UBE3D: variants seen among roughly 807,000 people sequenced by gnomAD.
UBE3D encodes E3 ubiquitin-protein ligase E3D.
In UBE3D, 48 loss-of-function variants were observed where a neutral mutation model predicts 49.6. The ratio of observed to expected loss-of-function variants is 0.97; its 90% confidence interval spans 0.77 to 1.23. The LOEUF (loss-of-function observed/expected upper bound fraction) is 1.23, where lower values mean the gene tolerates loss of function less well. Ranked by LOEUF, UBE3D falls within the 50% of genes most tolerant of loss-of-function variation. The pLI, the probability that UBE3D is intolerant of heterozygous loss-of-function variation, is 0.00. For missense variants in UBE3D, 452 were observed against 468.4 expected (o/e 0.96, Z 0.32); for synonymous variants, 189 against 174.2 (o/e 1.08, Z -0.67).
chr6:83,065,785 G>C lies in UBE3D; in HGVS notation c.-67C>G. 6.7e-7 allele frequency: 1 copy of C among 1,503,054 alleles called. No individual in the cohort carries two copies. The allele number at this position is 1,503,054 out of a possible 1,614,324, so 93.1% of individuals were successfully genotyped here. A position where few individuals can be genotyped will look rare whatever the true frequency, so the allele number is the denominator to read the frequency against. ...GAGGGGCCCGGGTCAACAGGACCAG[G>C]AGAGGTTCCACGTGCGGACCAACCA... is the stretch of plus-strand genomic sequence containing the variant. On this transcript the variant is annotated 5_prime_UTR_variant, in exon 1 of 10. Transcript: ENST00000369747.
At chr6:82,890,422 C>T (rs1465683261), downstream of UBE3D, among the ~76,000 whole-genome samples, 1 of 152,206 alleles carries the variant, frequency 6.6e-6, no homozygotes, top group Non-Finnish European at 1.5e-5. Flanking sequence ...ACGGGCATAG[C>T]TGTGCTGGCC....
chr6:82,902,724 G>C (rs770603182), intron 9 of UBE3D, among the ~76,000 whole-genome samples: 1 of 152,054 alleles, frequency 6.6e-6, no homozygotes, highest in African/African-American at 2.4e-5. Flanking sequence ...AACATACACA[G>C]GTGATAAAAT....
At chr6:83,044,380 A>G in intron 4 of UBE3D, 48 bp downstream of exon 4, 1 of 1,575,428 alleles carries the variant, frequency 6.3e-7, no homozygotes, top group Non-Finnish European at 8.7e-7. Context: ...AGAAGTCAGT[A>G]TCTAAGACAG....
At chr6:83,016,490 C>T (rs949140989) in intron 8 of UBE3D, among the ~76,000 whole-genome samples, 2 of 152,038 alleles carry the variant, frequency 1.3e-5, no homozygotes, top group Admixed American at 6.6e-5. Context: ...CCAGAAACCT[C>T]AAAACCAACA....
chr6:83,048,072 TC>T, intron 3 of UBE3D, among the ~76,000 whole-genome samples: 1 of 80,610 alleles, frequency 1.2e-5, no homozygotes, highest in Admixed American at 2.3e-4. Flanking sequence ...ACAGGGAGAC[TC>T]CAGCTCAAAA....
chr6:83,025,574 G>A lies in UBE3D; in HGVS notation c.668-1536C>T, dbSNP rs1412689403. 2.6e-5 allele frequency among the ~76,000 whole-genome samples: 4 copies of A among 152,016 alleles called. No individual in the cohort carries two copies. In the East Asian group the frequency reaches 7.7e-4, roughly 29 times the overall value. On this transcript the variant is annotated intron_variant, in intron 5 of 9. Coordinates refer to ENST00000369747, the MANE Select transcript of UBE3D (RefSeq NM_198920.3). Reference sequence around the variant, plus strand: ...TGACAGACTTCCGGAAAGCCACTTGGCAAAGGCCTTAAAATTGTATATGTA... The same window carrying A: ...TGACAGACTTCCGGAAAGCCACTTGACAAAGGCCTTAAAATTGTATATGTA...
At chr6:82,963,701 C>T (rs1776713514) in intron 8 of UBE3D, among the ~76,000 whole-genome samples, 2 of 152,102 alleles carry the variant, frequency 1.3e-5, no homozygotes. Flanking sequence ...GGTGGGTCTG[C>T]CTTTCCCAGC....
chr6:82,985,723 A>T (rs1778438226), intron 8 of UBE3D, among the ~76,000 whole-genome samples: 1 of 152,156 alleles, frequency 6.6e-6, no homozygotes, highest in Non-Finnish European at 1.5e-5. Context: ...ACATGTAAAG[A>T]TTAAATTTTA....
intron 8 of UBE3D, among the ~76,000 whole-genome samples, chr6:83,013,812 T>C (rs2127762624): frequency 6.6e-6 from 1 of 152,346 alleles, no homozygotes; most frequent in Non-Finnish European, 1.5e-5. Context: ...ATAAGTCCAG[T>C]GTGTTTGCTA....
intron 8 of UBE3D, among the ~76,000 whole-genome samples, chr6:82,986,848 T>C (rs2127726498): frequency 6.7e-6 from 1 of 148,594 alleles, no homozygotes; most frequent in Non-Finnish European, 1.5e-5. Context: ...TTTTCATAGG[T>C]GTTATTTTTA....
chr6:83,054,200 C>G lies in UBE3D; in HGVS notation c.313G>C (p.Glu105Gln). 2 of 1,613,966 alleles carry G rather than the reference C, an allele frequency of 1.2e-6. No individual in the cohort carries two copies. Among genetic ancestry groups the G allele is most frequent in the Non-Finnish European group, 1.7e-6 (2 of 1,179,970 alleles). The change falls in exon 3 of 10, where the codon GAA (glutamate) becomes CAA (glutamine). Residue 105 changes from glutamate (E) to glutamine (Q), a missense_variant. By Grantham distance (29) the Glu-to-Gln change is conservative. Transcript: ENST00000369747. ...GATTGGCAATAAAACGTGCAACATT[C>G]TTGGGTTTGCGAGCTTTGATTAAAC... ...SMFNQSSQTQECCTFYCQSCG... is the reference protein window; with the variant it reads ...SMFNQSSQTQQCCTFYCQSCG...
chr6:82,898,922 T>C (rs1358252554), intron 9 of UBE3D, among the ~76,000 whole-genome samples: 1 of 152,120 alleles, frequency 6.6e-6, no homozygotes, highest in Non-Finnish European at 1.5e-5. Context: ...CACTGATTGT[T>C]CCAGCCACAG....
chr6:83,003,139 C>T (rs1779745731), intron 8 of UBE3D, among the ~76,000 whole-genome samples: 1 of 152,128 alleles, frequency 6.6e-6, no homozygotes, highest in South Asian at 2.1e-4. Flanking sequence ...AAGGTTAAGA[C>T]AACTACTTCA....
chr6:83,014,958 T>C (rs754354708), intron 8 of UBE3D, among the ~76,000 whole-genome samples: 1 of 152,210 alleles, frequency 6.6e-6, no homozygotes, highest in African/African-American at 2.4e-5. Context: ...AACATCGTAA[T>C]TAGCTAATGC....
chr6:83,052,774 G>T (rs533542242), intron 3 of UBE3D, among the ~76,000 whole-genome samples: 1 of 152,238 alleles, frequency 6.6e-6, no homozygotes, highest in East Asian at 1.9e-4. Flanking sequence ...GGAGAAATGG[G>T]GGGCCATGGA....
At chr6:82,929,187 T>A (rs1178322191) in intron 9 of UBE3D, among the ~76,000 whole-genome samples, 1 of 113,384 alleles carries the variant, frequency 8.8e-6, no homozygotes, top group Non-Finnish European at 2.0e-5. Flanking sequence ...AGGACTTTCT[T>A]ATTCATAGGA....
rs372443194 is a variant in UBE3D, at chr6:83,058,409, GAATT to G, written c.78-391_78-388del. 1.3e-3 allele frequency among the ~76,000 whole-genome samples: 203 copies of G among 152,286 alleles called. 1 individual carries two copies. Among genetic ancestry groups the G allele is most frequent in the South Asian group, 4.6e-3 (22 of 4,826 alleles). ...AACCTGTCAATTTTAAGAATAAAAA[GAATT>G]AATGAAGAAAACGATACAGTGATGT... On this transcript the variant is annotated intron_variant, in intron 1 of 9. Transcript: ENST00000369747.
At chr6:83,059,320 G>T (rs557150181) in intron 1 of UBE3D, among the ~76,000 whole-genome samples, 15 of 152,134 alleles carry the variant, frequency 9.9e-5, no homozygotes, top group Non-Finnish European at 2.1e-4. Flanking sequence ...AGCCCAGGAG[G>T]CTGCAGTGAG....
intron 3 of UBE3D, among the ~76,000 whole-genome samples, chr6:83,050,198 C>A (rs1371282374): frequency 6.6e-6 from 1 of 151,250 alleles, no homozygotes; most frequent in African/African-American, 2.4e-5. Context: ...TTTAAACTGT[C>A]CTCTATATCT....
Sources: gnomAD v4.1 joint callset for allele counts (sites outside exome capture counted in the v4.1 genomes callset) on GRCh38, gnomAD v4.1.1 for gene constraint, MANE v1.5 for transcripts, NCBI Gene and HGNC (gene_info 2026-07-23, HGNC 2026-07-21) for gene names.